Variants in ANKS6 observed in about 807,000 individuals in gnomAD.
The protein encoded by ANKS6 is ankyrin repeat and SAM domain-containing protein 6.
In ANKS6, 47 loss-of-function variants were observed where a neutral mutation model predicts 77.9. The observed-to-expected ratio is 0.60, with a 90% CI of 0.48 to 0.77. The LOEUF is 0.77. Among genes scored for constraint, ANKS6 ranks in the 30% least tolerant of loss-of-function variants. ANKS6 has a pLI of 0.00. For synonymous variants in ANKS6, 488 were observed against 501.7 expected (o/e 0.97, Z 0.37); for missense variants, 1,150 against 1,159.1 (o/e 0.99, Z 0.11).
intron 5 of ANKS6, among the ~76,000 whole-genome samples, chr9:98,781,315 T>C (rs915852256): frequency 3.3e-5 from 5 of 152,186 alleles, no homozygotes; most frequent in Admixed American, 6.5e-5. Context: ...TAGACTGTTT[T>C]ATTGGGAAAG....
chr9:98,794,743 A>T (rs962115689), intron 1 of ANKS6, among the ~76,000 whole-genome samples: 1 of 152,084 alleles, frequency 6.6e-6, no homozygotes. Context: ...CTGTGCACGC[A>T]CTTGGTGGAT....
In ANKS6 at chr9:98,736,229, G is replaced by C. The variant is rs1420356287; in HGVS notation, c.*290C>G. 8.2e-7 allele frequency: 1 copy of C among 1,224,374 alleles called. No homozygotes were observed. The highest frequency in any genetic ancestry group is 1.0e-6 in the Non-Finnish European group (1 of 980,978). The allele number at this position is 1,224,374 out of a possible 1,614,324, so 75.8% of individuals were successfully genotyped here. A position where few individuals can be genotyped will look rare whatever the true frequency, so the allele number is the denominator to read the frequency against. On this transcript the variant is annotated 3_prime_UTR_variant, in exon 15 of 15. Coordinates refer to ENST00000353234, the MANE Select transcript of ANKS6 (RefSeq NM_173551.5). ...AGCAAACTCTGAGGCTCCCGGGGAG[G>C]GCAGAGCACAGGATGAAAGGAGCTG...
At chr9:98,761,482 C>T (rs1333348868) in intron 11 of ANKS6, among the ~76,000 whole-genome samples, 1 of 152,190 alleles carries the variant, frequency 6.6e-6, no homozygotes. Flanking sequence ...AATATTCTCT[C>T]CTAGTCTGTG....
intron 11 of ANKS6, among the ~76,000 whole-genome samples, chr9:98,760,071 C>T (rs1832929467): frequency 6.6e-6 from 1 of 152,040 alleles, no homozygotes; most frequent in South Asian, 2.1e-4. Context: ...TGTATCTAAA[C>T]ATCACTATGT....
rs2118077931 is a variant in ANKS6, at chr9:98,777,390, A to G, written c.1617+15T>C. On this transcript the variant is annotated intron_variant, in intron 8 of 14. Coordinates refer to ENST00000353234, the MANE Select transcript of ANKS6 (RefSeq NM_173551.5). ...CCGGAGACCTAAAATGCTTTTAGAA[A>G]AGCCCCACACTCACCATGGTTGTCA... 3 of 1,613,924 alleles carry G rather than the reference A, an allele frequency of 1.9e-6. No individual in the cohort carries two copies. The highest frequency in any genetic ancestry group is 2.5e-6 in the Non-Finnish European group (3 of 1,179,838).
intron 8 of ANKS6, 30 bp from the exon 9 acceptor site, chr9:98,774,110 G>GC: frequency 7.1e-7 from 1 of 1,408,898 alleles, no homozygotes; most frequent in Non-Finnish European, 9.3e-7. Context: ...GGTTAGACAA[G>GC]CCCCCAGGAG....
chr9:98,733,178 A>G lies in ANKS6; in HGVS notation c.*3341T>C. The G allele has an allele frequency of 3.1e-6, 3 of 982,406 alleles. No homozygotes were observed. The highest frequency in any genetic ancestry group is 3.6e-6 in the Non-Finnish European group (3 of 827,180). The allele number at this position is 982,406 out of a possible 1,614,324, so 60.9% of individuals were successfully genotyped here. A position where few individuals can be genotyped will look rare whatever the true frequency, so the allele number is the denominator to read the frequency against. ...TACGAGTAGGGCTGGCACAGGGTAG[A>G]TGCTCAGTAAACGTTCGGTAAACAA... On this transcript the variant is annotated 3_prime_UTR_variant, in exon 15 of 15. Coordinates refer to ENST00000353234, the MANE Select transcript of ANKS6 (RefSeq NM_173551.5).
rs1315546242 is a variant in ANKS6, at chr9:98,791,226, T to C, written c.360-620A>G. On this transcript the variant is annotated intron_variant, in intron 1 of 14. Transcript: ENST00000353234. The surrounding 1 kb of genome is among the most constrained non-coding windows in gnomAD (Gnocchi z 4.3). ...CTAATTTCCCCACAGGCAGAGCCCA[T>C]GTCTGATTCATTTCTACCCTCCCCA... Among the ~76,000 whole-genome samples, 1 of 151,990 alleles carries C rather than the reference T, an allele frequency of 6.6e-6. No homozygotes were observed. The highest frequency in any genetic ancestry group is 1.5e-5 in the Non-Finnish European group (1 of 67,996).
In ANKS6 at chr9:98,736,142, G is replaced by C. The variant is rs886765962; in HGVS notation, c.*377C>G. 8 of 1,150,912 alleles carry C rather than the reference G, an allele frequency of 7.0e-6. No individual in the cohort carries two copies. The East Asian group carries it at 3.5e-4, about 51-fold the overall frequency. 71.3% of individuals were successfully genotyped at this position (1,150,912 alleles called of 1,614,324 possible). A position where few individuals can be genotyped will look rare whatever the true frequency, so the allele number is the denominator to read the frequency against. ...CAGGAGTGATGTGTGTCAGTTAAGA[G>C]CAAGGCAGGTAAGAAGCAGCCGTGC... On this transcript the variant is annotated 3_prime_UTR_variant, in exon 15 of 15. Coordinates refer to ENST00000353234, the MANE Select transcript of ANKS6 (RefSeq NM_173551.5).
intron 5 of ANKS6, among the ~76,000 whole-genome samples, chr9:98,780,552 G>C (rs144381155): frequency 1.3e-5 from 2 of 152,336 alleles, no homozygotes; most frequent in East Asian, 3.9e-4. Flanking sequence ...AGAAAAACCG[G>C]AAGTCCTCTC....
At chr9:98,760,713 G>A (rs893820994) in intron 11 of ANKS6, among the ~76,000 whole-genome samples, 3 of 152,094 alleles carry the variant, frequency 2.0e-5, no homozygotes, top group East Asian at 1.9e-4. Flanking sequence ...TCAAGCAATC[G>A]CACGTATCAA....
chr9:98,752,640 C>G (rs922401654), intron 12 of ANKS6, among the ~76,000 whole-genome samples: 1 of 152,156 alleles, frequency 6.6e-6, no homozygotes, highest in African/African-American at 2.4e-5. Flanking sequence ...TGAGGTAGAT[C>G]CTATTACTGT....
chr9:98,733,302 G>C lies in ANKS6; in HGVS notation c.*3217C>G. The C allele has an allele frequency of 4.1e-6, 4 of 985,536 alleles. No individual in the cohort carries two copies. Among genetic ancestry groups the C allele is most frequent in the South Asian group, 4.7e-5 (1 of 21,296 alleles). The allele number at this position is 985,536 out of a possible 1,614,324, so 61.0% of individuals were successfully genotyped here. On this transcript the variant is annotated 3_prime_UTR_variant, in exon 15 of 15. Coordinates refer to ENST00000353234, the MANE Select transcript of ANKS6 (RefSeq NM_173551.5). ...AGGCAGGAGCCCTCCGTGGCCAGCA[G>C]GGACTTGGACATCCAGCACTCACGA...
chr9:98,776,304 C>T (rs962481592), intron 8 of ANKS6, among the ~76,000 whole-genome samples: 1 of 152,158 alleles, frequency 6.6e-6, no homozygotes, highest in African/African-American at 2.4e-5. Flanking sequence ...AATGACACCC[C>T]TAATGTTCAT....
intron 12 of ANKS6, among the ~76,000 whole-genome samples, 160 bp from the exon 13 acceptor site, chr9:98,751,256 G>A (rs1832415160): frequency 2.6e-5 from 4 of 152,174 alleles, no homozygotes; most frequent in Admixed American, 2.6e-4. Flanking sequence ...AGATGAGGCT[G>A]GAGGTGGGTC....
At chr9:98,772,837 C>T (rs576305457) in intron 9 of ANKS6, among the ~76,000 whole-genome samples, 3 of 152,342 alleles carry the variant, frequency 2.0e-5, no homozygotes, top group South Asian at 2.1e-4. Context: ...CTACCACACA[C>T]GGTCACCTCT....
Position 98,784,814 on chromosome 9 carries a change from A to C in ANKS6, c.907+18T>G. 1 of 1,609,694 alleles carries C rather than the reference A, an allele frequency of 6.2e-7. No individual in the cohort carries two copies. Among genetic ancestry groups the C allele is most frequent in the Non-Finnish European group, 8.5e-7 (1 of 1,177,484 alleles). ...CCTATATTCTTAAATATCCAAAAAG[A>C]TTTTCTAAAGCGCTTACCCATTTTC... On this transcript the variant is annotated intron_variant, in intron 3 of 14. Coordinates refer to ENST00000353234, the MANE Select transcript of ANKS6 (RefSeq NM_173551.5).
intron 14 of ANKS6, among the ~76,000 whole-genome samples, chr9:98,740,034 T>C (rs922417812): frequency 3.9e-5 from 6 of 152,108 alleles, no homozygotes; most frequent in Admixed American, 1.3e-4. Flanking sequence ...TTAAACATAT[T>C]TTTAAAAATT....
intron 13 of ANKS6, among the ~76,000 whole-genome samples, chr9:98,749,074 C>T (rs16917885): frequency 0.016 from 2,399 of 152,270 alleles, 67 homozygotes; most frequent in African/African-American, 0.055. Flanking sequence ...CTACTAAAGC[C>T]TCCAAGGAAA....
Sources: gnomAD v4.1 joint callset for allele counts (sites outside exome capture counted in the v4.1 genomes callset) on GRCh38, gnomAD v4.1.1 for gene constraint, Gnocchi (gnomAD v3.1) non-coding constraint, MANE v1.5 for transcripts, NCBI Gene and HGNC (gene_info 2026-07-23, HGNC 2026-07-21) for gene names.